Variants in TRIO observed in about 807,000 individuals in gnomAD.
The protein encoded by TRIO is trio Rho guanine nucleotide exchange factor, also known as triple functional domain protein.
Under a neutral mutation model 351.9 loss-of-function variants are expected in TRIO, and 58 were observed. The ratio of observed to expected loss-of-function variants is 0.16; its 90% CI spans 0.13 to 0.21. The LOEUF is 0.21. Among genes scored for constraint, TRIO ranks in the 10% least tolerant of loss-of-function variants. TRIO has a pLI of 1.00. For missense variants in TRIO, 3,201 were observed against 4,027.8 expected (o/e 0.79, Z 5.56); for synonymous variants, 1,758 against 1,595.7 (o/e 1.10, Z -2.42).
chr5:14,150,206 C>T (rs949843133), intron 1 of TRIO, among the ~76,000 whole-genome samples: 3 of 152,058 alleles, frequency 2.0e-5, no homozygotes, highest in Admixed American at 6.5e-5. Context: ...AGAAGACAGT[C>T]TCAAAATGCT....
intron 33 of TRIO, among the ~76,000 whole-genome samples, chr5:14,408,762 C>T (rs1243169180): frequency 6.6e-6 from 1 of 152,000 alleles, no homozygotes; most frequent in Non-Finnish European, 1.5e-5. Flanking sequence ...AGGGCATTTC[C>T]AGACCATTTG....
intron 1 of TRIO, among the ~76,000 whole-genome samples, chr5:14,159,316 G>A (rs1467892306): frequency 7.4e-5 from 7 of 94,674 alleles, no homozygotes; most frequent in African/African-American, 1.3e-4. Context: ...TCAGGAAATC[G>A]CAGTCAAAAA....
chr5:14,201,464 G>A (rs1020458995), intron 1 of TRIO, among the ~76,000 whole-genome samples: 1 of 152,054 alleles, frequency 6.6e-6, no homozygotes, highest in Non-Finnish European at 1.5e-5. Context: ...TAAATACATA[G>A]CATTTTTAGT....
intron 11 of TRIO, among the ~76,000 whole-genome samples, chr5:14,354,030 G>A (rs1743385333): frequency 6.6e-6 from 1 of 152,182 alleles, no homozygotes; most frequent in South Asian, 2.1e-4. Context: ...GTCCTTGAGT[G>A]AGGCCTCACA....
chr5:14,482,745 C>T lies in TRIO; in HGVS notation c.6629C>T (p.Pro2210Leu), dbSNP rs750016484. The T allele has an allele frequency of 7.5e-6, 12 of 1,604,556 alleles. No homozygotes were observed. The highest frequency in any genetic ancestry group is 1.7e-5 in the Admixed American group (1 of 58,930). Residue 2210 changes from proline to leucine, a missense_variant, in exon 46 of 57, where the codon CCG (proline) becomes CTG (leucine). By Grantham distance (98) the Pro-to-Leu change is moderately conservative. Coordinates refer to ENST00000344204, the MANE Select transcript of TRIO (RefSeq NM_007118.4). Reference sequence around the variant, plus strand: ...GATAAAAAGAAGGGCTTCTCCATGCCGGGATTCCTGTTTAAGAACAGTATC... The same window carrying T: ...GATAAAAAGAAGGGCTTCTCCATGCTGGGATTCCTGTTTAAGAACAGTATC... ...PLDKKKGFSM[P>L]GFLFKNSIKV...
At chr5:14,145,239 G>A (rs1787436198) in intron 1 of TRIO, among the ~76,000 whole-genome samples, 2 of 152,234 alleles carry the variant, frequency 1.3e-5, no homozygotes, top group South Asian at 4.1e-4. Flanking sequence ...CAGCGGGAGG[G>A]CGATGGTGAG....
rs190434625 is a variant in TRIO at position 14,183,644 on chromosome 5, A to G, written c.157+39762A>G. 1.5e-3 allele frequency among the ~76,000 whole-genome samples: 236 copies of G among 152,274 alleles called. 1 individual carries two copies. The highest frequency in any genetic ancestry group is 0.014 in the Middle Eastern group (4 of 294). ...TTTAACATTGCTATTTAACCATCAG[A>G]GTCTCATTTTTTTCCCCCTCCATAA... On this transcript the variant is annotated intron_variant, in intron 1 of 56. Transcript: ENST00000344204.
At chr5:14,189,530 G>A (rs982609733) in intron 1 of TRIO, among the ~76,000 whole-genome samples, 1 of 152,184 alleles carries the variant, frequency 6.6e-6, no homozygotes, top group African/African-American at 2.4e-5. Context: ...CTGGGAGAAT[G>A]TGTTGGATAA....
At chr5:14,193,302 C>T (rs16903273) in intron 1 of TRIO, among the ~76,000 whole-genome samples, 8,823 of 152,098 alleles carry the variant, frequency 0.058, 822 homozygotes, top group African/African-American at 0.2. Flanking sequence ...TTAGGAAAAA[C>T]GTACCTGTGG....
intron 37 of TRIO, among the ~76,000 whole-genome samples, chr5:14,468,391 G>C (rs1754432545): frequency 6.6e-6 from 1 of 152,216 alleles, no homozygotes; most frequent in Admixed American, 6.5e-5. Flanking sequence ...CTGTCTTTCA[G>C]CTACACATGG....
intron 1 of TRIO, among the ~76,000 whole-genome samples, chr5:14,261,852 T>C (rs992689837): frequency 2.0e-5 from 3 of 152,244 alleles, no homozygotes; most frequent in Admixed American, 6.5e-5. Flanking sequence ...CCTTTTCTCC[T>C]TTAAAATATA....
At chr5:14,164,622 C>T (rs574170411) in intron 1 of TRIO, among the ~76,000 whole-genome samples, 41 of 150,862 alleles carry the variant, frequency 2.7e-4, no homozygotes, top group Non-Finnish European at 2.5e-4. Flanking sequence ...GGCCTCTCAA[C>T]GTACTGGATT....
intron 34 of TRIO, among the ~76,000 whole-genome samples, chr5:14,456,019 T>C (rs912449326): frequency 4.6e-5 from 7 of 152,134 alleles, no homozygotes; most frequent in Admixed American, 1.3e-4. Context: ...CGCGGGGAGG[T>C]GGCTGAGGCC....
At chr5:14,397,530 T>C (rs925035892) in intron 29 of TRIO, among the ~76,000 whole-genome samples, 2 of 152,206 alleles carry the variant, frequency 1.3e-5, no homozygotes, top group African/African-American at 4.8e-5. Context: ...TCTGTATCCA[T>C]TGCATCACTT....
At chr5:14,383,493 C>G (rs1480824447) in intron 21 of TRIO, among the ~76,000 whole-genome samples, 1 of 152,184 alleles carries the variant, frequency 6.6e-6, no homozygotes, top group Non-Finnish European at 1.5e-5. Context: ...CCTGAATACT[C>G]CTTTTCCTCA....
intron 11 of TRIO, among the ~76,000 whole-genome samples, chr5:14,339,836 A>T (rs1048613332): frequency 6.6e-6 from 1 of 152,216 alleles, no homozygotes; most frequent in Non-Finnish European, 1.5e-5. Flanking sequence ...TGCGGGAAAG[A>T]ATGGTTTCTT....
intron 1 of TRIO, among the ~76,000 whole-genome samples, chr5:14,206,792 A>G (rs1170027266): frequency 1.3e-5 from 2 of 152,246 alleles, no homozygotes; most frequent in African/African-American, 4.8e-5. Context: ...AAAACTTCCT[A>G]GGATATAAGT....
Position 14,350,136 on chromosome 5 carries a change from G to A in TRIO, c.2047-8042G>A, listed in dbSNP as rs1021994956. ...GTGAGCTTGTGTCAAAGGAGCTCCA[G>A]GTCATGCTCTGCCCGCAGAGTTCAA... On this transcript the variant is annotated intron_variant, in intron 11 of 56. Coordinates refer to ENST00000344204, the MANE Select transcript of TRIO (RefSeq NM_007118.4). Among the ~76,000 whole-genome samples, 6 of 152,174 alleles carry A rather than the reference G, an allele frequency of 3.9e-5. No homozygotes were observed. The East Asian group carries it at 9.6e-4, about 24-fold the overall frequency.
At chr5:14,300,104 T>C (rs1240086629) in intron 7 of TRIO, among the ~76,000 whole-genome samples, 1 of 152,268 alleles carries the variant, frequency 6.6e-6, no homozygotes, top group Non-Finnish European at 1.5e-5. Flanking sequence ...ACAACCACAG[T>C]GTTAATGTTG....
Sources: allele counts gnomAD v4.1 joint callset (sites outside exome capture counted in the v4.1 genomes callset), GRCh38; gene constraint gnomAD v4.1.1; transcripts MANE v1.5; gene names NCBI Gene and HGNC (gene_info 2026-07-23, HGNC 2026-07-21).